Variants in CHRM3 observed in about 807,000 individuals in gnomAD.
CHRM3 encodes muscarinic acetylcholine receptor M3.
CHRM3 carries 11 observed loss-of-function variants against 41.8 expected under a neutral mutation model. The ratio of observed to expected loss-of-function variants is 0.26; its 90% confidence interval spans 0.17 to 0.44. CHRM3 has a LOEUF of 0.44. Ranked by LOEUF, CHRM3 falls within the 20% of genes least tolerant of loss-of-function variation. The probability of loss-of-function intolerance (pLI) is 1.00; values close to 1 mark genes in which losing one functional copy is unlikely to be tolerated. For synonymous variants in CHRM3, 297 were observed against 301.4 expected (o/e 0.99, Z 0.15); for missense variants, 571 against 745.4 (o/e 0.77, Z 2.72).
At chr1:239,493,763 T>G (rs917059837) in intron 2 of CHRM3, among the ~76,000 whole-genome samples, 5 of 152,180 alleles carry the variant, frequency 3.3e-5, no homozygotes, top group African/African-American at 1.2e-4. Context: ...GCACTGCTTT[T>G]TATTAATGCC....
intron 1 of CHRM3, among the ~76,000 whole-genome samples, chr1:239,411,719 T>TAA (rs1469522235): frequency 5.2e-5 from 1 of 19,068 alleles, no homozygotes; most frequent in Non-Finnish European, 1.0e-4. Flanking sequence ...AGCCTCTGTC[T>TAA]CAAAAAAAAA....
At chr1:239,870,524 C>T (rs903711796) in intron 6 of CHRM3, among the ~76,000 whole-genome samples, 1 of 152,210 alleles carries the variant, frequency 6.6e-6, no homozygotes, top group African/African-American at 2.4e-5. Context: ...GACAAGGTGG[C>T]TCAGTCTCAC....
At chr1:239,722,883 C>A in intron 5 of CHRM3, among the ~76,000 whole-genome samples, 1 of 151,698 alleles carries the variant, frequency 6.6e-6, no homozygotes, top group East Asian at 1.9e-4. Flanking sequence ...GAACATGTAT[C>A]AACTAGGGAA....
At chr1:239,406,513 GATTAACATCACC>G (rs1423556286) in intron 1 of CHRM3, among the ~76,000 whole-genome samples, 1 of 152,170 alleles carries the variant, frequency 6.6e-6, no homozygotes, top group Non-Finnish European at 1.5e-5. Flanking sequence ...CACAGAACAA[GATTAACATCACC>G]ATTAACATCG....
intron 1 of CHRM3, among the ~76,000 whole-genome samples, chr1:239,490,160 T>C (rs1667465421): frequency 6.6e-6 from 1 of 152,250 alleles, no homozygotes; most frequent in Non-Finnish European, 1.5e-5. Context: ...AAGTAGTATT[T>C]CTTTTGCTGC....
chr1:239,855,582 C>T (rs1306630182), intron 6 of CHRM3, among the ~76,000 whole-genome samples: 1 of 151,794 alleles, frequency 6.6e-6, no homozygotes, highest in Admixed American at 6.6e-5. Flanking sequence ...TACACACAAA[C>T]ACACACACAC....
At chr1:239,582,266 T>C (rs1662968944) in intron 3 of CHRM3, among the ~76,000 whole-genome samples, 1 of 152,204 alleles carries the variant, frequency 6.6e-6, no homozygotes, top group Non-Finnish European at 1.5e-5. Context: ...CTTAGAAAAG[T>C]AGCAGGCTTA....
At chr1:239,407,592 G>C (rs1660715012) in intron 1 of CHRM3, among the ~76,000 whole-genome samples, 1 of 151,814 alleles carries the variant, frequency 6.6e-6, no homozygotes, top group Admixed American at 6.6e-5. Context: ...TCCCTCCAGG[G>C]CTTTTTCTTT....
At chr1:239,392,697 C>T (rs1018168326) in intron 1 of CHRM3, among the ~76,000 whole-genome samples, 3 of 152,144 alleles carry the variant, frequency 2.0e-5, no homozygotes, top group Non-Finnish European at 4.4e-5. Context: ...TCTACTGAAG[C>T]CTTCTAATTT....
chr1:239,411,660 G>C (rs1197747825), intron 1 of CHRM3, among the ~76,000 whole-genome samples: 3 of 139,776 alleles, frequency 2.1e-5, no homozygotes, highest in Middle Eastern at 8.3e-3. Context: ...GGGAGGCAGA[G>C]GTTGCAGTGA....
chr1:239,738,014 C>T (rs563909236), intron 5 of CHRM3, among the ~76,000 whole-genome samples: 1 of 151,722 alleles, frequency 6.6e-6, no homozygotes, highest in Non-Finnish European at 1.5e-5. Context: ...ACAACAACAA[C>T]AACAAAAAAC....
At chr1:239,608,526 G>A (rs77449200) in intron 3 of CHRM3, among the ~76,000 whole-genome samples, 11 of 152,014 alleles carry the variant, frequency 7.2e-5, no homozygotes, top group African/African-American at 2.4e-5. Context: ...AGCAACATGA[G>A]TACTTTTACA....
chr1:239,516,834 G>T (rs1235261934), intron 2 of CHRM3, among the ~76,000 whole-genome samples: 2 of 152,136 alleles, frequency 1.3e-5, no homozygotes, highest in Non-Finnish European at 2.9e-5. Context: ...CAGATCAACG[G>T]TGGCATTAGA....
chr1:239,564,917 T>C (rs536901314), intron 3 of CHRM3, among the ~76,000 whole-genome samples: 2 of 152,302 alleles, frequency 1.3e-5, no homozygotes, highest in South Asian at 4.1e-4. Context: ...CTAACAGATA[T>C]GGAGGACAGA....
intron 3 of CHRM3, 106 bp downstream of exon 3, chr1:239,545,855 C>T (rs1306414392): frequency 2.0e-5 from 3 of 151,996 alleles, no homozygotes; most frequent in Non-Finnish European, 2.9e-5. Flanking sequence ...GTATTAGTGT[C>T]GCCGGTATGA....
rs1047789711 is a variant in CHRM3 at position 239,805,390 on chromosome 1, T to C, written c.-146-21862T>C. The stretch of plus-strand genomic sequence containing the variant: ...TACCCATATCCACTGAACAGATAAA[T>C]ACCTTTGACTGCAGGTCTATCAGCA... On this transcript the variant is annotated intron_variant, in intron 5 of 6. Coordinates refer to ENST00000676153, the MANE Select transcript of CHRM3 (RefSeq NM_001375978.1). Among the ~76,000 whole-genome samples, 12 of 152,178 alleles carry C rather than the reference T, an allele frequency of 7.9e-5. 1 individual carries two copies. The highest frequency in any genetic ancestry group is 7.2e-4 in the Admixed American group (11 of 15,270).
intron 1 of CHRM3, among the ~76,000 whole-genome samples, chr1:239,479,715 A>G (rs529704626): frequency 6.6e-6 from 1 of 152,326 alleles, no homozygotes; most frequent in South Asian, 2.1e-4. Flanking sequence ...ACACAATGGT[A>G]AGTATCTGTG....
intron 2 of CHRM3, among the ~76,000 whole-genome samples, chr1:239,503,703 G>T (rs1295228782): frequency 1.3e-5 from 2 of 152,058 alleles, no homozygotes; most frequent in African/African-American, 4.8e-5. Flanking sequence ...GCATCGTACT[G>T]GTATAAAAAT....
rs151271530 is a variant in CHRM3, at chr1:239,467,458, C to T, written c.-520-25251C>T. 1.6e-3 allele frequency among the ~76,000 whole-genome samples: 241 copies of T among 152,176 alleles called. 2 individuals carry two copies. The East Asian group carries it at 0.028, about 18-fold the overall frequency. Reference sequence around the variant, plus strand: ...CTGGGATTACAGGCACATGCCACCACGCCAGGCTAATTTTTGTATTTTTAG... The same window carrying T: ...CTGGGATTACAGGCACATGCCACCATGCCAGGCTAATTTTTGTATTTTTAG... On this transcript the variant is annotated intron_variant, in intron 1 of 6. Transcript: ENST00000676153.
Sources: gnomAD v4.1 joint callset for allele counts (sites outside exome capture counted in the v4.1 genomes callset) on GRCh38, gnomAD v4.1.1 for gene constraint, MANE v1.5 for transcripts, NCBI Gene and HGNC (gene_info 2026-07-23, HGNC 2026-07-21) for gene names.